Variants in STARD10 observed in about 807,000 individuals in gnomAD.
STARD10 encodes StAR related lipid transfer domain containing 10.
Under a neutral mutation model 36.0 loss-of-function variants are expected in STARD10, and 24 were observed. The ratio of observed to expected loss-of-function variants is 0.67; its 90% CI spans 0.48 to 0.94. The LOEUF is 0.94. Among genes scored for constraint, STARD10 ranks in the 40% least tolerant of loss-of-function variants. The pLI is 0.00. For synonymous variants in STARD10, 156 were observed against 161.9 expected (o/e 0.96, Z 0.28); for missense variants, 335 against 396.6 (o/e 0.84, Z 1.32).
chr11:72,766,844 T>TA (rs1858799313), intron 2 of STARD10, among the ~76,000 whole-genome samples: 2 of 152,182 alleles, frequency 1.3e-5, no homozygotes, highest in African/African-American at 4.8e-5. Flanking sequence ...CAGGTGGACC[T>TA]AAGGCTAATC....
chr11:72,780,673 G>A (rs1202637489), intron 2 of STARD10: 4 of 462,860 alleles, frequency 8.6e-6, no homozygotes, highest in Middle Eastern at 6.2e-4. Flanking sequence ...CCCTGAGGGA[G>A]ACCACTCTCC....
intron 1 of STARD10, among the ~76,000 whole-genome samples, chr11:72,783,097 A>G (rs967278193): frequency 3.3e-5 from 5 of 152,212 alleles, no homozygotes; most frequent in Admixed American, 6.5e-5. Context: ...TAAATGTGCT[A>G]AGAAAAAAAC....
Position 72,759,244 on chromosome 11 carries a change from G to A in STARD10, c.345C>T (p.Gly115=). Residue 115 remains glycine, a synonymous_variant, in exon 3 of 7, where the codon GGC becomes GGT. Transcript: ENST00000334805. ...GCTACGCCTGCTCACAGGAGTAATA[G>A]CCCACGTCAGCGTTGACTGTCAAGC... ...IARLTVNADV[G]YYSWRCPKPL... The A allele has an allele frequency of 6.2e-7, 1 of 1,614,090 alleles. No homozygotes were observed. The highest frequency in any genetic ancestry group is 8.5e-7 in the Non-Finnish European group (1 of 1,180,004).
At chr11:72,755,576 G>T in intron 6 of STARD10, 125 bp downstream of exon 6, 1 of 1,126,666 alleles carries the variant, frequency 8.9e-7, no homozygotes, top group Non-Finnish European at 1.3e-6. Context: ...CTCCCAAAGT[G>T]CTGGGATTAC....
chr11:72,771,509 CA>C (rs1325206598), intron 2 of STARD10, among the ~76,000 whole-genome samples: 1 of 152,142 alleles, frequency 6.6e-6, no homozygotes, highest in Non-Finnish European at 1.5e-5. Flanking sequence ...ATCTTCTTCC[CA>C]AAAGTGGAAC....
At position 72,754,981 on chromosome 11, in the gene STARD10, G is replaced by T; in HGVS notation, c.792C>A (p.Asp264Glu). ...CTCTGCTCTCGGCCACCGCGCTCTCGTCGATGTTCTCCAGTGAGTCCGCAT... is the reference window on the plus strand; with the variant it reads ...CTCTGCTCTCGGCCACCGCGCTCTCTTCGATGTTCTCCAGTGAGTCCGCAT... ...VQHADSLENI[D>E]ESAVAESREE... The change falls in exon 7 of 7, where the codon GAC becomes GAA. Residue 264 changes from aspartate (D) to glutamate (E), a missense_variant. Transcript: ENST00000334805. 6.2e-7 allele frequency: 1 copy of T among 1,611,864 alleles called. No individual in the cohort carries two copies.
chr11:72,755,600 C>A (rs1365004610), intron 6 of STARD10, 101 bp downstream of exon 6: 2 of 1,384,444 alleles, frequency 1.4e-6, no homozygotes, highest in Non-Finnish European at 2.1e-6. Flanking sequence ...CATGAGCCAC[C>A]ACGCCTGGCC....
At chr11:72,772,402 G>A (rs752804591) in intron 2 of STARD10, among the ~76,000 whole-genome samples, 10 of 152,216 alleles carry the variant, frequency 6.6e-5, no homozygotes, top group South Asian at 2.1e-4. Context: ...TGTGCCCAGC[G>A]TTGTCATAGT....
chr11:72,782,033 A>C (rs1859009521), intron 1 of STARD10: 1 of 152,144 alleles, frequency 6.6e-6, no homozygotes, highest in South Asian at 2.1e-4. Context: ...AGATGCCAAG[A>C]CAGAGTGGGC....
chr11:72,786,724 C>T (rs1471390422), intron 1 of STARD10, among the ~76,000 whole-genome samples: 3 of 152,216 alleles, frequency 2.0e-5, no homozygotes. Context: ...GCTACACACA[C>T]TTGATCATGC....
intron 2 of STARD10, chr11:72,780,613 T>C (rs1858979628): frequency 7.9e-6 from 3 of 379,114 alleles, no homozygotes; most frequent in Admixed American, 3.7e-5. Flanking sequence ...GTCTCCCACC[T>C]GGAGTAACTC....
At chr11:72,776,169 T>C (rs1055562684) in intron 2 of STARD10, among the ~76,000 whole-genome samples, 5 of 152,176 alleles carry the variant, frequency 3.3e-5, no homozygotes, top group Non-Finnish European at 7.4e-5. Flanking sequence ...TAGGGACCTC[T>C]CTGATGGCAT....
At chr11:72,770,458 T>C (rs1057428001) in intron 2 of STARD10, among the ~76,000 whole-genome samples, 10 of 152,288 alleles carry the variant, frequency 6.6e-5, no homozygotes, top group Admixed American at 2.0e-4. Context: ...CCTCAAGTGA[T>C]CCACCCATCT....
chr11:72,755,332 A>ATTC, intron 6 of STARD10, 190 bp from the exon 7 acceptor site: 1 of 492,522 alleles, frequency 2.0e-6, no homozygotes, highest in Non-Finnish European at 3.2e-6. Flanking sequence ...TTTTTTTGAG[A>ATTC]CGGAATCTCA....
intron 2 of STARD10, among the ~76,000 whole-genome samples, chr11:72,779,276 C>G (rs1858961996): frequency 6.6e-6 from 1 of 152,154 alleles, no homozygotes; most frequent in Non-Finnish European, 1.5e-5. Context: ...TTGGTTCTTT[C>G]CTCCCCCCTC....
intron 2 of STARD10, among the ~76,000 whole-genome samples, chr11:72,768,240 C>T (rs1460955914): frequency 1.3e-5 from 2 of 152,244 alleles, no homozygotes; most frequent in South Asian, 2.1e-4. Flanking sequence ...CGAGCCCCAG[C>T]GCCAGTGCCC....
Position 72,772,195 on chromosome 11 carries a change from T to C in STARD10, c.207+8780A>G, listed in dbSNP as rs1200570523. On this transcript the variant is annotated intron_variant, in intron 2 of 6. Transcript: ENST00000334805. ...CCGGTGCTGCCATAGGGGGCATGGTTCTCCCTGTGCACAGCGCTGCCATAG... is the reference window on the plus strand; with the variant it reads ...CCGGTGCTGCCATAGGGGGCATGGTCCTCCCTGTGCACAGCGCTGCCATAG... Among the ~76,000 whole-genome samples the C allele has an allele frequency of 2.0e-5, 3 of 148,380 alleles. No homozygotes were observed. In the East Asian group the frequency reaches 5.9e-4, roughly 29 times the overall value.
chr11:72,776,132 C>T (rs547998954), intron 2 of STARD10, among the ~76,000 whole-genome samples: 99 of 152,312 alleles, frequency 6.5e-4, no homozygotes, highest in African/African-American at 2.3e-3. Context: ...CAGCTCAGGG[C>T]CTAACCCTGG....
At chr11:72,780,169 G>A (rs761853609) in intron 2 of STARD10, 15 of 449,446 alleles carry the variant, frequency 3.3e-5, no homozygotes, top group South Asian at 1.9e-4. Context: ...GAGTCTTCAC[G>A]AGCCCCTGCC....
Sources: gnomAD v4.1 joint callset for allele counts (sites outside exome capture counted in the v4.1 genomes callset) on GRCh38, gnomAD v4.1.1 for gene constraint, MANE v1.5 for transcripts, NCBI Gene and HGNC (gene_info 2026-07-23, HGNC 2026-07-21) for gene names.